CCN4: variants seen among roughly 807,000 people sequenced by gnomAD.
The protein encoded by CCN4 is cellular communication network factor 4.
CCN4 carries 30 observed loss-of-function variants against 36.7 expected under a neutral mutation model. The observed-to-expected ratio is 0.82, with a 90% CI of 0.61 to 1.11. CCN4 has a LOEUF of 1.11. Among genes scored for constraint, CCN4 ranks in the 50% least tolerant of loss-of-function variants. The pLI is 0.00. For synonymous variants in CCN4, 191 were observed against 195.4 expected (o/e 0.98, Z 0.19); for missense variants, 505 against 504.9 (o/e 1.00, Z 0.00).
chr8:133,191,043 C>T lies in CCN4; in HGVS notation c.-102C>T. On this transcript the variant is annotated 5_prime_UTR_variant, in exon 1 of 5. Coordinates refer to ENST00000250160, the MANE Select transcript of CCN4 (RefSeq NM_003882.4). Reference sequence around the variant, plus strand: ...CCCAAGGGCTGCGGAAGAGGCATATCTGGTGCTCCTGATGGGCCGGCCAGT... The same window carrying T: ...CCCAAGGGCTGCGGAAGAGGCATATTTGGTGCTCCTGATGGGCCGGCCAGT... The T allele has an allele frequency of 3.2e-6, 4 of 1,235,382 alleles. No individual in the cohort carries two copies. The highest frequency in any genetic ancestry group is 4.6e-6 in the Non-Finnish European group (4 of 860,618). The allele number at this position is 1,235,382 out of a possible 1,614,324, so 76.5% of individuals were successfully genotyped here. A position where few individuals can be genotyped will look rare whatever the true frequency, so the allele number is the denominator to read the frequency against.
intron 1 of CCN4, among the ~76,000 whole-genome samples, chr8:133,192,341 C>T (rs1171118581): frequency 6.6e-6 from 1 of 152,148 alleles, no homozygotes; most frequent in Non-Finnish European, 1.5e-5. Flanking sequence ...CTCAATGCCT[C>T]GGTGTGTGTA....
intron 3 of CCN4, among the ~76,000 whole-genome samples, chr8:133,222,598 T>A (rs978961108): frequency 6.6e-6 from 1 of 151,320 alleles, no homozygotes; most frequent in Admixed American, 6.6e-5. Context: ...GGTCTGGGAA[T>A]GCTGACATGT....
intron 2 of CCN4, among the ~76,000 whole-genome samples, chr8:133,213,982 GTAGT>G (rs766668142): frequency 0.092 from 121 of 1,318 alleles, no homozygotes; most frequent in Middle Eastern, 0.5. Flanking sequence ...ACTATATATA[GTAGT>G]TATATATACT....
intron 1 of CCN4, among the ~76,000 whole-genome samples, chr8:133,199,783 T>C (rs944274061): frequency 3.9e-5 from 6 of 152,174 alleles, no homozygotes; most frequent in African/African-American, 1.4e-4. Context: ...CAAGTCCTGA[T>C]GCTTGCAAAC....
At chr8:133,213,775 TGAA>T (rs1854157977) in intron 2 of CCN4, among the ~76,000 whole-genome samples, 2 of 146,758 alleles carry the variant, frequency 1.4e-5, no homozygotes, top group East Asian at 2.0e-4. Flanking sequence ...CTAATGAACT[TGAA>T]GAACAGTTTT....
chr8:133,226,120 G>C (rs1297355385), intron 4 of CCN4, among the ~76,000 whole-genome samples: 1 of 152,130 alleles, frequency 6.6e-6, no homozygotes, highest in African/African-American at 2.4e-5. Flanking sequence ...TTAAAATAAA[G>C]CATCAAAGAA....
Position 133,220,707 on chromosome 8 carries a change from G to T in CCN4, c.476G>T (p.Arg159Leu), listed in dbSNP as rs147638897. The change falls in exon 3 of 5, where the codon CGA becomes CTA. Residue 159 changes from arginine to leucine, a missense_variant. Physicochemically the swap from Arg to Leu is moderately radical, Grantham distance 102. Transcript: ENST00000250160. ...GTGGGCTGCACACCACTGTGCCTCC[G>T]AGTGCGCCCCCCGCGTCTCTGGTGC... ...GAVGCTPLCL[R>L]VRPPRLWCPH... is the part of the protein sequence containing the mutation. The T allele has an allele frequency of 6.2e-7, 1 of 1,613,788 alleles. No individual in the cohort carries two copies. Among genetic ancestry groups the T allele is most frequent in the Non-Finnish European group, 8.5e-7 (1 of 1,179,950 alleles).
At chr8:133,214,998 A>G (rs1854269080) in intron 2 of CCN4, among the ~76,000 whole-genome samples, 1 of 152,194 alleles carries the variant, frequency 6.6e-6, no homozygotes, top group Non-Finnish European at 1.5e-5. Flanking sequence ...TCATTGGTTC[A>G]TGCTTCAACT....
chr8:133,223,681 T>C, intron 3 of CCN4, among the ~76,000 whole-genome samples: 1 of 152,070 alleles, frequency 6.6e-6, no homozygotes, highest in Non-Finnish European at 1.5e-5. Flanking sequence ...CCTCTCCTTC[T>C]TTCTCTCTCT....
chr8:133,192,936 C>A (rs77740730), intron 1 of CCN4, among the ~76,000 whole-genome samples: 2,674 of 152,218 alleles, frequency 0.018, 76 homozygotes, highest in African/African-American at 0.062. Context: ...GGAAGGCTCC[C>A]GGGACCAGCA....
intron 1 of CCN4, among the ~76,000 whole-genome samples, chr8:133,210,159 C>A (rs1204874191): frequency 6.6e-6 from 1 of 152,160 alleles, no homozygotes; most frequent in Non-Finnish European, 1.5e-5. Context: ...TTCAGGCGCA[C>A]AGAGAGATGC....
At chr8:133,200,595 AGGTAGCT>A (rs1221348613) in intron 1 of CCN4, among the ~76,000 whole-genome samples, 1 of 152,218 alleles carries the variant, frequency 6.6e-6, no homozygotes, top group African/African-American at 2.4e-5. Context: ...GGTGCCTTAG[AGGTAGCT>A]GGAGGAGGAT....
At chr8:133,197,146 C>A (rs1456420881) in intron 1 of CCN4, among the ~76,000 whole-genome samples, 1 of 151,922 alleles carries the variant, frequency 6.6e-6, no homozygotes, top group Admixed American at 6.6e-5. Context: ...ATCTTACTAA[C>A]CTGAGTCAGG....
intron 2 of CCN4, among the ~76,000 whole-genome samples, chr8:133,217,413 G>A (rs578000670): frequency 6.6e-6 from 1 of 152,248 alleles, no homozygotes; most frequent in South Asian, 2.1e-4. Context: ...TAAGAGGAAA[G>A]CTAACTCGAT....
intron 3 of CCN4, 39 bp downstream of exon 3, chr8:133,220,880 CA>C: frequency 6.4e-7 from 1 of 1,568,734 alleles, no homozygotes; most frequent in African/African-American, 1.3e-5. Context: ...TGGGACCCTA[CA>C]AATGGGTTGT....
At position 133,191,171 on chromosome 8, in the gene CCN4, G is replaced by A. The variant is rs1380101191; in HGVS notation, c.27G>A (p.Leu9=). Residue 9 remains leucine, a synonymous_variant, in exon 1 of 5, where the codon CTG becomes CTA. Transcript: ENST00000250160. MRWFLPWT[L]AAVTAAAAST... is the part of the protein sequence containing the mutation. ...TGAGGTGGTTCCTGCCCTGGACGCTGGCAGCAGTGACAGCAGCAGCCGCCA... is the reference window on the plus strand; with the variant it reads ...TGAGGTGGTTCCTGCCCTGGACGCTAGCAGCAGTGACAGCAGCAGCCGCCA... The A allele has an allele frequency of 2.5e-6, 4 of 1,606,654 alleles. No homozygotes were observed. Among genetic ancestry groups the A allele is most frequent in the African/African-American group, 2.7e-5 (2 of 75,012 alleles).
rs1269660385 is a variant in CCN4 at position 133,228,057 on chromosome 8, T to C, written c.*347T>C. 1 of 210,298 alleles carries C rather than the reference T, an allele frequency of 4.8e-6. No homozygotes were observed. Among genetic ancestry groups the C allele is most frequent in the East Asian group, 1.1e-4 (1 of 9,064 alleles). The allele number at this position is 210,298 out of a possible 1,614,324, so 13.0% of individuals were successfully genotyped here. A position where few individuals can be genotyped will look rare whatever the true frequency, so the allele number is the denominator to read the frequency against. ...AGGTAGACTTTTAATATCACTAATT[T>C]CTTCTTTAGATGCCAAACCACAAGA... On this transcript the variant is annotated 3_prime_UTR_variant, in exon 5 of 5. Coordinates refer to ENST00000250160, the MANE Select transcript of CCN4 (RefSeq NM_003882.4).
At chr8:133,191,249 A>T (rs755712099) in intron 1 of CCN4, 36 bp downstream of exon 1, 38 of 1,589,754 alleles carry the variant, frequency 2.4e-5, no homozygotes, top group Non-Finnish European at 2.7e-5. Context: ...AGGGAGACCC[A>T]GCTCCCTTCT....
chr8:133,218,896 G>A (rs1454330967), intron 2 of CCN4, among the ~76,000 whole-genome samples: 1 of 152,144 alleles, frequency 6.6e-6, no homozygotes, highest in African/African-American at 2.4e-5. Context: ...CCCAAACCCT[G>A]CTTGTCCAAA....
Sources: gnomAD v4.1 joint callset for allele counts (sites outside exome capture counted in the v4.1 genomes callset) on GRCh38, gnomAD v4.1.1 for gene constraint, MANE v1.5 for transcripts, NCBI Gene and HGNC (gene_info 2026-07-23, HGNC 2026-07-21) for gene names.